The following PTPRG variants were observed in gnomAD, a reference collection of about 807,000 sequenced individuals.
PTPRG encodes the protein protein tyrosine phosphatase receptor type G.
PTPRG carries 102 observed loss-of-function variants against 165.3 expected under a neutral mutation model. The observed-to-expected ratio is 0.62, with a 90% CI of 0.53 to 0.73. The LOEUF (loss-of-function observed/expected upper bound fraction) is 0.73. Among genes scored for constraint, PTPRG ranks in the 30% least tolerant of loss-of-function variants. PTPRG has a pLI of 0.00. For missense variants in PTPRG, 1,866 were observed against 1,861.4 expected (o/e 1.00, Z -0.05); for synonymous variants, 675 against 669.5 (o/e 1.01, Z -0.13).
At chr3:61,753,226 A>T (rs184126332) in intron 2 of PTPRG, among the ~76,000 whole-genome samples, 1 of 152,322 alleles carries the variant, frequency 6.6e-6, no homozygotes, top group East Asian at 1.9e-4. Flanking sequence ...TGTTGACATA[A>T]TAATAGCAAT....
At chr3:61,631,080 AG>A (rs976305929) in intron 1 of PTPRG, among the ~76,000 whole-genome samples, 3 of 151,892 alleles carry the variant, frequency 2.0e-5, no homozygotes, top group African/African-American at 7.2e-5. Flanking sequence ...AGAAAAAAAA[AG>A]TTTTTTTTTT....
At chr3:61,637,517 A>G (rs1208251178) in intron 1 of PTPRG, among the ~76,000 whole-genome samples, 7 of 152,146 alleles carry the variant, frequency 4.6e-5, no homozygotes, top group African/African-American at 1.4e-4. Context: ...TGGCTTTCTG[A>G]ATGTCAAAAC....
chr3:61,792,978 C>A (rs547860086), intron 2 of PTPRG, among the ~76,000 whole-genome samples: 2 of 152,086 alleles, frequency 1.3e-5, no homozygotes, highest in Non-Finnish European at 2.9e-5. Context: ...CTGGCCACTT[C>A]GGCCTTCCAA....
chr3:61,874,524 T>G (rs1426518080), intron 2 of PTPRG, among the ~76,000 whole-genome samples: 1 of 152,140 alleles, frequency 6.6e-6, no homozygotes, highest in African/African-American at 2.4e-5. Flanking sequence ...CCTTTTTTTT[T>G]TCTACACATA....
chr3:61,568,304 A>T (rs1407358499), intron 1 of PTPRG, among the ~76,000 whole-genome samples: 1 of 152,222 alleles, frequency 6.6e-6, no homozygotes, highest in African/African-American at 2.4e-5. Context: ...AATACAGGTA[A>T]ATTTCACTGT....
chr3:62,266,325 A>G, intron 17 of PTPRG, among the ~76,000 whole-genome samples: 1 of 152,150 alleles, frequency 6.6e-6, no homozygotes, highest in East Asian at 1.9e-4. Flanking sequence ...TGATGTATGA[A>G]AAACCTTCTC....
At chr3:62,150,819 C>G (rs531171026) in intron 6 of PTPRG, among the ~76,000 whole-genome samples, 1 of 152,308 alleles carries the variant, frequency 6.6e-6, no homozygotes, top group Non-Finnish European at 1.5e-5. Flanking sequence ...ACTACCACAT[C>G]CTGTCCAAAT....
intron 2 of PTPRG, among the ~76,000 whole-genome samples, chr3:61,793,283 G>T (rs1328116161): frequency 6.6e-6 from 1 of 152,154 alleles, no homozygotes; most frequent in Non-Finnish European, 1.5e-5. Flanking sequence ...CTGGGCTTGT[G>T]GTGTACCTAG....
intron 1 of PTPRG, among the ~76,000 whole-genome samples, chr3:61,580,394 T>A (rs1056567030): frequency 6.6e-6 from 1 of 151,642 alleles, no homozygotes; most frequent in African/African-American, 2.4e-5. Flanking sequence ...TTTTTTTTTT[T>A]TTTTTGAGAC....
intron 1 of PTPRG, among the ~76,000 whole-genome samples, chr3:61,620,438 G>T (rs1701418163): frequency 2.6e-5 from 4 of 152,168 alleles, no homozygotes. Flanking sequence ...AACTCATAAT[G>T]AGGTGGCCTC....
chr3:62,021,272 G>A (rs1416355436), intron 4 of PTPRG, among the ~76,000 whole-genome samples: 1 of 152,150 alleles, frequency 6.6e-6, no homozygotes, highest in East Asian at 1.9e-4. Flanking sequence ...CTGTTGGTCT[G>A]TCTTATAAAC....
At chr3:61,779,496 A>T (rs1022391389) in intron 2 of PTPRG, among the ~76,000 whole-genome samples, 1 of 152,122 alleles carries the variant, frequency 6.6e-6, no homozygotes, top group Non-Finnish European at 1.5e-5. Flanking sequence ...ATAGGGCTAA[A>T]ATATCTCCCT....
chr3:61,598,272 A>C (rs1194648797), intron 1 of PTPRG, among the ~76,000 whole-genome samples: 2 of 152,138 alleles, frequency 1.3e-5, no homozygotes, highest in Non-Finnish European at 2.9e-5. Flanking sequence ...ATGGGTCCGC[A>C]TTTCCCCTTG....
At chr3:62,148,285 C>T (rs901052082) in intron 6 of PTPRG, among the ~76,000 whole-genome samples, 3 of 152,018 alleles carry the variant, frequency 2.0e-5, no homozygotes, top group African/African-American at 4.8e-5. Context: ...GAGGGAACAG[C>T]AAGGTGAGGA....
chr3:61,859,437 T>C (rs1312028329), intron 2 of PTPRG, among the ~76,000 whole-genome samples: 1 of 152,162 alleles, frequency 6.6e-6, no homozygotes, highest in African/African-American at 2.4e-5. Context: ...TCATGGAATA[T>C]CACCACAAGG....
At chr3:61,633,166 G>A (rs1701815583) in intron 1 of PTPRG, among the ~76,000 whole-genome samples, 1 of 152,184 alleles carries the variant, frequency 6.6e-6, no homozygotes, top group Non-Finnish European at 1.5e-5. Context: ...ATGGCACTTA[G>A]CACTATCAGA....
At chr3:61,646,055 G>A (rs1189329759) in intron 1 of PTPRG, among the ~76,000 whole-genome samples, 2 of 152,166 alleles carry the variant, frequency 1.3e-5, no homozygotes, top group Non-Finnish European at 2.9e-5. Context: ...TTCAGAGAGA[G>A]TAACTCTTTT....
intron 2 of PTPRG, among the ~76,000 whole-genome samples, chr3:61,758,456 T>C (rs2033711676): frequency 6.6e-6 from 1 of 152,188 alleles, no homozygotes; most frequent in South Asian, 2.1e-4. Context: ...TCTTAGTTTA[T>C]TATTATTATT....
chr3:61,775,370 C>G (rs1056992855), intron 2 of PTPRG, among the ~76,000 whole-genome samples: 1 of 152,004 alleles, frequency 6.6e-6, no homozygotes, highest in African/African-American at 2.4e-5. Context: ...TGCACCAGGC[C>G]CCTTAAATAA....
Sources: allele counts gnomAD v4.1 joint callset (sites outside exome capture counted in the v4.1 genomes callset), GRCh38; gene constraint gnomAD v4.1.1; transcripts MANE v1.5; gene names NCBI Gene and HGNC (gene_info 2026-07-23, HGNC 2026-07-21).